The following SLC44A5 variants were observed in gnomAD, a reference collection of about 807,000 sequenced individuals.
SLC44A5 encodes solute carrier family 44 member 5.
In SLC44A5, 57 loss-of-function variants were observed where a neutral mutation model predicts 101.8. That is an observed-to-expected ratio of 0.56 (90% confidence interval 0.45 to 0.70). The LOEUF is 0.70. SLC44A5 is among the 30% of genes least tolerant of loss of function. The probability of loss-of-function intolerance (pLI) is 0.00; values close to 1 mark genes in which losing one functional copy is unlikely to be tolerated. For synonymous variants in SLC44A5, 281 were observed against 290.9 expected, an observed-to-expected ratio of 0.97 and a Z score of 0.35; for missense variants, 737 against 853.1, an observed-to-expected ratio of 0.86 and a Z score of 1.70.
the SLC44A5 span, among the ~76,000 whole-genome samples, chr1:75,618,081 C>G: frequency 6.6e-6 from 1 of 152,230 alleles, no homozygotes; most frequent in Non-Finnish European, 1.5e-5. Flanking sequence ...CTCTCCACAA[C>G]ACTAGCTGCC....
chr1:75,312,109 T>G (rs1288050543), intron 4 of SLC44A5, among the ~76,000 whole-genome samples: 1 of 152,096 alleles, frequency 6.6e-6, no homozygotes, highest in Non-Finnish European at 1.5e-5. Context: ...TCTCATGAGA[T>G]CTGATGGTTT....
the SLC44A5 span, among the ~76,000 whole-genome samples, chr1:75,713,876 G>A: frequency 1.4e-3 from 212 of 152,242 alleles, no homozygotes; most frequent in Middle Eastern, 0.01. Flanking sequence ...AAACACAGCT[G>A]AATGCAACCT....
intron 7 of SLC44A5, among the ~76,000 whole-genome samples, chr1:75,247,493 T>A (rs2100630357): frequency 6.6e-6 from 1 of 152,184 alleles, no homozygotes; most frequent in African/African-American, 2.4e-5. Flanking sequence ...AGATGTAAAT[T>A]TGAGAAGTCA....
At chr1:75,294,410 TGATA>T (rs1190469636) in intron 5 of SLC44A5, among the ~76,000 whole-genome samples, 1 of 152,220 alleles carries the variant, frequency 6.6e-6, no homozygotes, top group Non-Finnish European at 1.5e-5. Context: ...CCATTACGAA[TGATA>T]GCATGGAGGT....
chr1:75,248,412 C>T (rs1184570837), intron 7 of SLC44A5, among the ~76,000 whole-genome samples: 2 of 152,020 alleles, frequency 1.3e-5, no homozygotes, highest in African/African-American at 4.8e-5. Context: ...AATGGATGGG[C>T]TGGTCTTAGA....
At chr1:75,406,745 C>A (rs1050331979) in intron 2 of SLC44A5, among the ~76,000 whole-genome samples, 4 of 152,108 alleles carry the variant, frequency 2.6e-5, no homozygotes, top group African/African-American at 9.7e-5. Context: ...AACCCACAGG[C>A]AATATCATAC....
At chr1:75,645,243 A>G in the SLC44A5 span, among the ~76,000 whole-genome samples, 1 of 152,144 alleles carries the variant, frequency 6.6e-6, no homozygotes, top group African/African-American at 2.4e-5. Flanking sequence ...AGTCCCACCA[A>G]CAGTGTAAAA....
intron 2 of SLC44A5, among the ~76,000 whole-genome samples, chr1:75,524,035 C>T (rs1670286688): frequency 6.6e-6 from 1 of 152,188 alleles, no homozygotes; most frequent in Non-Finnish European, 1.5e-5. Flanking sequence ...CATGGTTTGG[C>T]TCTATGTTTC....
chr1:75,204,978 T>C (rs1421002311), intron 23 of SLC44A5: 1 of 152,194 alleles, frequency 6.6e-6, no homozygotes, highest in African/African-American at 2.4e-5. Flanking sequence ...TGTTGAATAA[T>C]AAAAGACTAA....
intron 1 of SLC44A5, among the ~76,000 whole-genome samples, chr1:75,560,024 A>T (rs1197632665): frequency 6.6e-6 from 1 of 152,144 alleles, no homozygotes; most frequent in Non-Finnish European, 1.5e-5. Context: ...AATCAAAAAG[A>T]TTTAGGCAGT....
At chr1:75,365,076 G>A (rs1409835644) in intron 3 of SLC44A5, among the ~76,000 whole-genome samples, 1 of 152,124 alleles carries the variant, frequency 6.6e-6, no homozygotes, top group Non-Finnish European at 1.5e-5. Context: ...TGAAGGTTAT[G>A]TGGTTCCGTT....
chr1:75,291,834 A>G (rs1653571847), intron 5 of SLC44A5, among the ~76,000 whole-genome samples: 1 of 151,728 alleles, frequency 6.6e-6, no homozygotes, highest in South Asian at 2.1e-4. Flanking sequence ...ACATGGTGAA[A>G]CCCCGTTTCT....
intron 2 of SLC44A5, among the ~76,000 whole-genome samples, chr1:75,469,220 T>G (rs973616633): frequency 6.6e-6 from 1 of 152,204 alleles, no homozygotes; most frequent in South Asian, 2.1e-4. Flanking sequence ...GGTCTGTATT[T>G]TACATTTACA....
chr1:75,425,887 C>T (rs1261362623), intron 2 of SLC44A5, among the ~76,000 whole-genome samples: 1 of 152,204 alleles, frequency 6.6e-6, no homozygotes, highest in Non-Finnish European at 1.5e-5. Flanking sequence ...CCAGCCCTCC[C>T]TTCCTCCCTT....
chr1:75,364,510 A>G (rs1481832111), intron 3 of SLC44A5, among the ~76,000 whole-genome samples: 3 of 152,134 alleles, frequency 2.0e-5, no homozygotes, highest in Non-Finnish European at 4.4e-5. Flanking sequence ...CCATGATCCA[A>G]TCATCTCCCA....
At chr1:75,232,160 A>G (rs1647632465) in intron 12 of SLC44A5, among the ~76,000 whole-genome samples, 1 of 152,130 alleles carries the variant, frequency 6.6e-6, no homozygotes, top group South Asian at 2.1e-4. Flanking sequence ...TTGGGTTAAT[A>G]CTATCTAGGG....
At chr1:75,587,528 C>A (rs1674079101) in intron 1 of SLC44A5, among the ~76,000 whole-genome samples, 1 of 152,292 alleles carries the variant, frequency 6.6e-6, no homozygotes, top group Middle Eastern at 3.4e-3. Flanking sequence ...TCTCATGTTA[C>A]CTCCATTTCT....
chr1:75,533,767 A>G (rs211754), intron 2 of SLC44A5, among the ~76,000 whole-genome samples: 34,144 of 151,988 alleles, frequency 0.22, 4,131 homozygotes, highest in Admixed American at 0.3. Flanking sequence ...CCATTGCAAT[A>G]CCCTATTCTT....
chr1:75,371,650 CAGAG>C (rs1279406435), intron 3 of SLC44A5, among the ~76,000 whole-genome samples: 2 of 152,180 alleles, frequency 1.3e-5, no homozygotes, highest in Admixed American at 1.3e-4. Flanking sequence ...TTGAAAGAGA[CAGAG>C]AGTCTAAATT....
Sources: gnomAD v4.1 joint callset for allele counts (sites outside exome capture counted in the v4.1 genomes callset) on GRCh38, gnomAD v4.1.1 for gene constraint, MANE v1.5 for transcripts, NCBI Gene and HGNC (gene_info 2026-07-23, HGNC 2026-07-21) for gene names.